ATM: variants seen among roughly 807,000 people sequenced by gnomAD.
ATM encodes ATM serine/threonine kinase, also known as serine-protein kinase ATM.
ATM carries 308 observed loss-of-function variants against 387.0 expected under a neutral mutation model. The ratio of observed to expected loss-of-function variants is 0.80; its 90% confidence interval spans 0.73 to 0.87. The LOEUF (loss-of-function observed/expected upper bound fraction) is 0.87, where lower values mean the gene tolerates loss of function less well. ATM is among the 40% of genes least tolerant of loss of function. The pLI is 0.00. For synonymous variants in ATM, 1,156 were observed against 1,187.3 expected, an observed-to-expected ratio of 0.97 and a Z score of 0.54; for missense variants, 3,312 against 3,560.9, an observed-to-expected ratio of 0.93 and a Z score of 1.78.
chr11:108,287,938 A>G (rs957901644), intron 27 of ATM, among the ~76,000 whole-genome samples: 1 of 152,130 alleles, frequency 6.6e-6, no homozygotes, highest in Non-Finnish European at 1.5e-5. Flanking sequence ...TGGTTGGCCA[A>G]CCCAATAACC....
At chr11:108,266,400 C>G (rs191218874) in intron 16 of ATM, among the ~76,000 whole-genome samples, 1 of 150,084 alleles carries the variant, frequency 6.7e-6, no homozygotes, top group Non-Finnish European at 1.5e-5. Context: ...AAACCAAACA[C>G]CGCATGTTCT....
intron 4 of ATM, among the ~76,000 whole-genome samples, chr11:108,232,266 T>G (rs1216440876): frequency 6.6e-6 from 1 of 152,236 alleles, no homozygotes; most frequent in Non-Finnish European, 1.5e-5. Flanking sequence ...AAATTTGACT[T>G]TGTTACTTAA....
intron 57 of ATM, among the ~76,000 whole-genome samples, chr11:108,344,869 T>C (rs2088104822): frequency 6.6e-6 from 1 of 151,942 alleles, no homozygotes; most frequent in Non-Finnish European, 1.5e-5. Context: ...CAGGTAATGG[T>C]GGCACATGCC....
chr11:108,250,931 G>T lies in ATM; in HGVS notation c.1466G>T (p.Cys489Phe), dbSNP rs776412334. 9 of 1,614,032 alleles carry T rather than the reference G, an allele frequency of 5.6e-6. No individual in the cohort carries two copies. Among genetic ancestry groups the T allele is most frequent in the South Asian group, 1.1e-5 (1 of 91,088 alleles). ...DLLKLWNKIWCITFRGISSEQ... is the reference protein window; with the variant it reads ...DLLKLWNKIWFITFRGISSEQ... ...TTAAAACTCTGGAATAAAATTTGGT[G>T]TATTACCTTTCGTGGTATAAGTTCT... is the stretch of plus-strand genomic sequence containing the variant. Residue 489 changes from cysteine (C) to phenylalanine (F), a missense_variant, in exon 10 of 63, where the codon TGT (cysteine) becomes TTT (phenylalanine). Around this residue, in one of 4 missense-constraint regions of ATM, gnomAD observed 1,791 missense variants for 1,804.5 expected, o/e 0.99. Transcript: ENST00000675843.
At chr11:108,236,063 CAGTTGAAAAAT>C in intron 5 of ATM, 5 of 531,668 alleles carry the variant, frequency 9.4e-6, no homozygotes, top group South Asian at 4.1e-5. Flanking sequence ...GCCGGAATTA[CAGTTGAAAAAT>C]ACCATCTCCA....
In ATM at chr11:108,239,232, C is replaced by T. The variant is rs187639108; in HGVS notation, c.496+3398C>T. On this transcript the variant is annotated intron_variant, in intron 5 of 62. Transcript: ENST00000675843. Reference sequence around the variant, plus strand: ...GCCATGTGAAGATACAGTTCAAAGTCAGTAGTCTGCAGCCCCAAAGAGGGC... The same window carrying T: ...GCCATGTGAAGATACAGTTCAAAGTTAGTAGTCTGCAGCCCCAAAGAGGGC... Among the ~76,000 whole-genome samples the T allele has an allele frequency of 6.8e-4, 104 of 152,296 alleles. 2 individuals carry two copies. The highest frequency in any genetic ancestry group is 2.4e-3 in the African/African-American group (101 of 41,558).
rs34325032 is a variant in ATM at position 108,250,683 on chromosome 11, C to CTTTTTTTT, written c.1236-10_1236-3dup. The CTTTTTTTT allele has an allele frequency of 1.3e-6, 2 of 1,505,082 alleles. No individual in the cohort carries two copies. The highest frequency in any genetic ancestry group is 1.8e-6 in the Non-Finnish European group (2 of 1,116,708). The allele number at this position is 1,505,082 out of a possible 1,614,324, so 93.2% of individuals were successfully genotyped here. A position where few individuals can be genotyped will look rare whatever the true frequency, so the allele number is the denominator to read the frequency against. ...GTGATGGAATAGTTTTCAAATTATC[C>CTTTTTTTT]TTTTTTTTTTTTTTTAGGCTACAGA... On this transcript the variant is annotated splice_polypyrimidine_tract_variant and intron_variant, in intron 9 of 62. Transcript: ENST00000675843.
At chr11:108,232,374 T>G (rs2079055713) in intron 4 of ATM, among the ~76,000 whole-genome samples, 1 of 152,060 alleles carries the variant, frequency 6.6e-6, no homozygotes, top group Non-Finnish European at 1.5e-5. Context: ...ACGAAAAGAT[T>G]GGAGGGTTGA....
intron 61 of ATM, among the ~76,000 whole-genome samples, chr11:108,360,011 G>T (rs1301606349): frequency 6.6e-6 from 1 of 151,794 alleles, no homozygotes; most frequent in East Asian, 1.9e-4. Context: ...TCCAGGAGCT[G>T]GTTTTTTGAA....
chr11:108,322,130 G>A (rs909734211), intron 45 of ATM, among the ~76,000 whole-genome samples: 1 of 151,852 alleles, frequency 6.6e-6, no homozygotes, highest in African/African-American at 2.4e-5. Context: ...TGTATACCTA[G>A]TGTTTTTGTT....
intron 55 of ATM, 113 bp from the exon 56 acceptor site, chr11:108,335,732 G>A: frequency 2.6e-6 from 2 of 755,740 alleles, no homozygotes; most frequent in Non-Finnish European, 4.7e-6. Context: ...AGACTGTCAA[G>A]AGGTGCACAG....
chr11:108,230,028 C>T (rs1332772008), intron 4 of ATM: 7 of 152,158 alleles, frequency 4.6e-5, no homozygotes, highest in African/African-American at 1.2e-4. Flanking sequence ...TCTTGGATGC[C>T]CTCTCTACGT....
At chr11:108,299,648 G>A in intron 33 of ATM, 66 bp from the exon 34 acceptor site, 2 of 1,510,494 alleles carry the variant, frequency 1.3e-6, no homozygotes, top group Non-Finnish European at 9.2e-7. Flanking sequence ...TTTGAAATTA[G>A]AAAATTTCAG....
chr11:108,337,420 G>A (rs1474861802), intron 56 of ATM, among the ~76,000 whole-genome samples: 1 of 152,256 alleles, frequency 6.6e-6, no homozygotes, highest in African/African-American at 2.4e-5. Context: ...TTTCTTTGAT[G>A]TGGTTAAGAT....
intron 61 of ATM, among the ~76,000 whole-genome samples, chr11:108,362,994 A>C (rs529251993): frequency 1.3e-5 from 2 of 152,260 alleles, no homozygotes; most frequent in South Asian, 2.1e-4. Context: ...AACAAACAAA[A>C]AAAACACACC....
At chr11:108,331,096 C>T (rs772450504) in intron 50 of ATM, 8 of 944,184 alleles carry the variant, frequency 8.5e-6, no homozygotes, top group Admixed American at 5.1e-5. Context: ...AAAGCAATTA[C>T]TTCATTTTAT....
intron 48 of ATM, 75 bp downstream of exon 48, chr11:108,327,833 A>C (rs946466131): frequency 6.2e-6 from 7 of 1,128,582 alleles, no homozygotes; most frequent in Non-Finnish European, 9.3e-6. Flanking sequence ...AGATCAATAT[A>C]TTTCCAAAGC....
Position 108,315,909 on chromosome 11 carries a change from T to G in ATM, c.6093T>G (p.Thr2031=), listed in dbSNP as rs771945366. ...GAGGGAAGATGTTACAACCCATTAC[T>G]AGGTAAATTGCATTTTTCTAAACAA... ...CGGGKMLQPI[T]RLRTYEHEAM... is the part of the protein sequence containing the mutation. The change falls in exon 41 of 63, where the codon ACT becomes ACG. Residue 2031 remains threonine, a splice_region_variant and synonymous_variant. Transcript: ENST00000675843. The G allele has an allele frequency of 1.9e-6, 3 of 1,610,666 alleles. No homozygotes were observed. The highest frequency in any genetic ancestry group is 2.2e-5 in the South Asian group (2 of 91,022).
intron 61 of ATM, among the ~76,000 whole-genome samples, chr11:108,358,932 C>T (rs968204680): frequency 5.9e-4 from 90 of 151,780 alleles, no homozygotes; most frequent in Non-Finnish European, 9.9e-4. Context: ...CAGGATCAAA[C>T]TCCCACATAA....
Sources: gnomAD v4.1 joint callset for allele counts (sites outside exome capture counted in the v4.1 genomes callset) on GRCh38, gnomAD v4.1.1 for gene constraint, gnomAD v4.1.1 regional missense constraint, MANE v1.5 for transcripts, NCBI Gene and HGNC (gene_info 2026-07-23, HGNC 2026-07-21) for gene names.